Variants in DENND4A observed in about 807,000 individuals in gnomAD.
DENND4A encodes C-myc promoter-binding protein.
A neutral mutation model predicts 199.3 loss-of-function variants in DENND4A; 70 were observed. The observed-to-expected ratio is 0.35, with a 90% CI of 0.29 to 0.43. DENND4A has a LOEUF of 0.43. Among genes scored for constraint, DENND4A ranks in the 20% least tolerant of loss-of-function variants. DENND4A has a pLI of 1.00. For synonymous variants in DENND4A, 686 were observed against 766.9 expected (o/e 0.89, Z 1.74); for missense variants, 1,723 against 2,255.8 (o/e 0.76, Z 4.78).
chr15:65,701,936 G>A, intron 17 of DENND4A, 46 bp from the exon 18 acceptor site: 2 of 1,609,504 alleles, frequency 1.2e-6, no homozygotes, highest in Non-Finnish European at 1.7e-6. Flanking sequence ...ATGTCACCAT[G>A]TACATAAATC....
chr15:65,674,600 C>G (rs2076316153), intron 24 of DENND4A, among the ~76,000 whole-genome samples: 1 of 152,030 alleles, frequency 6.6e-6, no homozygotes, highest in African/African-American at 2.4e-5. Context: ...AAAAAAATAG[C>G]CGGGTGTGCT....
chr15:65,692,964 A>G (rs1407203142), intron 22 of DENND4A, among the ~76,000 whole-genome samples: 1 of 152,160 alleles, frequency 6.6e-6, no homozygotes, highest in East Asian at 1.9e-4. Flanking sequence ...AGAGTCTCAA[A>G]TGGTTTCTAC....
intron 32 of DENND4A, among the ~76,000 whole-genome samples, chr15:65,663,964 A>G (rs1256638077): frequency 6.6e-6 from 1 of 152,170 alleles, no homozygotes; most frequent in Non-Finnish European, 1.5e-5. Context: ...TTTCAATTAA[A>G]TAATTTTTCC....
chr15:65,750,454 A>G (rs1567075358), intron 4 of DENND4A, among the ~76,000 whole-genome samples: 1 of 152,202 alleles, frequency 6.6e-6, no homozygotes, highest in Non-Finnish European at 1.5e-5. Context: ...ATACCTTTGT[A>G]ACAAACCTGC....
chr15:65,760,900 C>T (rs573003114), intron 2 of DENND4A, among the ~76,000 whole-genome samples: 7 of 151,930 alleles, frequency 4.6e-5, no homozygotes, highest in South Asian at 2.1e-4. Context: ...AAAAAAAAAG[C>T]GGAAACAGAA....
rs564023866 is a variant in DENND4A at position 65,689,643 on chromosome 15, A to G, written c.4179+772T>C. Reference sequence around the variant, plus strand: ...GCAGCTCCTGAATCGAGCTATTATGATTCCAGTACCATGAAACTTCTGAGA... The same window carrying G: ...GCAGCTCCTGAATCGAGCTATTATGGTTCCAGTACCATGAAACTTCTGAGA... On this transcript the variant is annotated intron_variant, in intron 23 of 32. Transcript: ENST00000443035. Among the ~76,000 whole-genome samples the G allele has an allele frequency of 2.0e-4, 31 of 152,296 alleles. No homozygotes were observed. In the East Asian group the frequency reaches 4.0e-3, roughly 20 times the overall value.
intron 1 of DENND4A, among the ~76,000 whole-genome samples, chr15:65,788,892 G>A (rs1249077279): frequency 7.0e-6 from 1 of 142,944 alleles, no homozygotes; most frequent in East Asian, 2.0e-4. Context: ...TAATTATTCA[G>A]AATAGAGAAA....
rs765214676 is a variant in DENND4A at position 65,670,044 on chromosome 15, T to C, written c.4609A>G (p.Ile1537Val). 4.4e-6 allele frequency: 7 copies of C among 1,594,274 alleles called. No individual in the cohort carries two copies. In the African/African-American group the frequency reaches 8.1e-5, roughly 18 times the overall value. Residue 1537 changes from isoleucine to valine, a missense_variant, in exon 26 of 33, where the codon ATA becomes GTA. Ile to Val is a conservative substitution (Grantham distance 29). Around this residue, in one of 6 missense-constraint regions of DENND4A, gnomAD observed 141 missense variants for 170.7 expected, o/e 0.83. Transcript: ENST00000443035. ...GGTCGTCTTAAATCTCTTATTTCTA[T>C]ATTCAGAAAGGGTAAGAAGATATTG... ...CGNIFLPFLN[I>V]EIRDLRRPGR...
chr15:65,789,232 G>A (rs1195397966), intron 1 of DENND4A, among the ~76,000 whole-genome samples: 1 of 152,066 alleles, frequency 6.6e-6, no homozygotes, highest in Non-Finnish European at 1.5e-5. Flanking sequence ...TGTTGCCCAG[G>A]TTGGAGTGCA....
chr15:65,771,837 T>C, intron 1 of DENND4A: 2 of 1,612,908 alleles, frequency 1.2e-6, no homozygotes, highest in Non-Finnish European at 1.7e-6. Context: ...CTGGATTACT[T>C]AAAACAGCAT....
chr15:65,769,196 T>TACACAC (rs1491400806), intron 1 of DENND4A, among the ~76,000 whole-genome samples: 1 of 112,078 alleles, frequency 8.9e-6, no homozygotes, highest in Non-Finnish European at 1.7e-5. Flanking sequence ...GCATATAAGG[T>TACACAC]ATACACACAC....
chr15:65,735,461 A>G (rs906404249), intron 7 of DENND4A, among the ~76,000 whole-genome samples: 5 of 152,228 alleles, frequency 3.3e-5, no homozygotes, highest in African/African-American at 1.2e-4. Context: ...TGACATTTGC[A>G]CTGACAGTGC....
intron 3 of DENND4A, 78 bp downstream of exon 3, chr15:65,756,062 G>GA (rs2076692771): frequency 1.6e-6 from 2 of 1,266,962 alleles, no homozygotes; most frequent in Admixed American, 5.5e-5. Context: ...TTAATGACCA[G>GA]AATGAACAGT....
At chr15:65,722,604 T>C (rs2075681619) in intron 12 of DENND4A, among the ~76,000 whole-genome samples, 1 of 151,774 alleles carries the variant, frequency 6.6e-6, no homozygotes, top group African/African-American at 2.4e-5. Context: ...TTGGTAGATA[T>C]AATATACATA....
intron 12 of DENND4A, among the ~76,000 whole-genome samples, chr15:65,718,416 A>G (rs1455710639): frequency 6.6e-6 from 1 of 152,134 alleles, no homozygotes; most frequent in African/African-American, 2.4e-5. Context: ...TGTAACCGAG[A>G]AGGCAATAGA....
chr15:65,771,189 G>C (rs2077114847), intron 1 of DENND4A: 4 of 1,598,428 alleles, frequency 2.5e-6, no homozygotes, highest in Non-Finnish European at 3.4e-6. Context: ...CCTTTATAAA[G>C]ACCGGTAAGC....
intron 21 of DENND4A, chr15:65,696,798 A>C: frequency 3.8e-6 from 1 of 266,248 alleles, no homozygotes. Flanking sequence ...TATAATCACA[A>C]TCCATTAAAC....
At chr15:65,729,767 G>T in intron 9 of DENND4A, 89 bp from the exon 10 acceptor site, 1 of 1,182,382 alleles carries the variant, frequency 8.5e-7, no homozygotes, top group Non-Finnish European at 1.2e-6. Flanking sequence ...GTTGATTAGA[G>T]TAGGATTTGT....
chr15:65,706,446 TAACACACACACACA>T (rs2075053412), intron 14 of DENND4A, among the ~76,000 whole-genome samples: 1 of 94,682 alleles, frequency 1.1e-5, no homozygotes, highest in African/African-American at 4.2e-5. Context: ...AAGGGGAAAA[TAACACACACACACA>T]CACACACACA....
Sources: gnomAD v4.1 joint callset for allele counts (sites outside exome capture counted in the v4.1 genomes callset) on GRCh38, gnomAD v4.1.1 for gene constraint, gnomAD v4.1.1 regional missense constraint, MANE v1.5 for transcripts, NCBI Gene and HGNC (gene_info 2026-07-23, HGNC 2026-07-21) for gene names.